CRHR1: variants seen among roughly 807,000 people sequenced by gnomAD.
The protein encoded by CRHR1 is corticotropin-releasing hormone receptor 1.
Under a neutral mutation model 56.0 loss-of-function variants are expected in CRHR1, and 28 were observed. The observed-to-expected ratio is 0.50, with a 90% CI of 0.37 to 0.69. The LOEUF (loss-of-function observed/expected upper bound fraction) is 0.69, where lower values mean the gene tolerates loss of function less well. Ranked by LOEUF, CRHR1 falls within the 30% of genes least tolerant of loss-of-function variation. CRHR1 has a pLI of 0.00. For synonymous variants in CRHR1, 195 were observed against 216.5 expected (o/e 0.90, Z 0.87); for missense variants, 376 against 548.0 (o/e 0.69, Z 3.13).
At chr17:45,817,799 C>T (rs1194641391) in intron 3 of CRHR1, among the ~76,000 whole-genome samples, 1 of 147,456 alleles carries the variant, frequency 6.8e-6, no homozygotes, top group African/African-American at 2.4e-5. Flanking sequence ...GGAGAAGACA[C>T]ACTGGGAGGG....
chr17:45,802,525 T>A (rs1035995750), intron 1 of CRHR1, among the ~76,000 whole-genome samples: 2 of 152,088 alleles, frequency 1.3e-5, no homozygotes. Context: ...ATCTCTGGAC[T>A]TTTCATGGAA....
Position 45,784,682 on chromosome 17 carries a change from G to C in CRHR1, c.33+105G>C. ...TGATGGGGGCGGGGGCGCTGGGAGA[G>C]CCGTGCTTAGGTCGGGGAAGGCTGG... On this transcript the variant is annotated intron_variant, in intron 1 of 12. Coordinates refer to ENST00000314537, the MANE Select transcript of CRHR1 (RefSeq NM_004382.5). The surrounding 1 kb of genome is among the most constrained non-coding windows in gnomAD (Gnocchi z 4.2). 8.2e-7 allele frequency: 1 copy of C among 1,226,164 alleles called. No individual in the cohort carries two copies. The highest frequency in any genetic ancestry group is 1.7e-5 in the South Asian group (1 of 57,410). The allele number at this position is 1,226,164 out of a possible 1,614,324, so 76.0% of individuals were successfully genotyped here.
chr17:45,784,692 G>C lies in CRHR1; in HGVS notation c.33+115G>C. 2.3e-5 allele frequency: 26 copies of C among 1,129,178 alleles called. No individual in the cohort carries two copies. Among genetic ancestry groups the C allele is most frequent in the Non-Finnish European group, 3.1e-5 (26 of 843,854 alleles). The allele number at this position is 1,129,178 out of a possible 1,614,324, so 69.9% of individuals were successfully genotyped here. On this transcript the variant is annotated intron_variant, in intron 1 of 12. Coordinates refer to ENST00000314537, the MANE Select transcript of CRHR1 (RefSeq NM_004382.5). This position sits in a 1 kb window ranked among gnomAD's most constrained non-coding sequence, Gnocchi z 4.2. ...GGGGGCGCTGGGAGAGCCGTGCTTAGGTCGGGGAAGGCTGGGCTCCGGGGC... is the reference window on the plus strand; with the variant it reads ...GGGGGCGCTGGGAGAGCCGTGCTTACGTCGGGGAAGGCTGGGCTCCGGGGC...
chr17:45,820,746 G>A (rs1251378547), intron 3 of CRHR1, among the ~76,000 whole-genome samples: 2 of 152,068 alleles, frequency 1.3e-5, no homozygotes, highest in African/African-American at 4.8e-5. Context: ...ACACAGGCCC[G>A]CTATGGGGAA....
intron 3 of CRHR1, 87 bp downstream of exon 3, chr17:45,816,669 T>C (rs2061935597): frequency 6.3e-7 from 1 of 1,586,988 alleles, no homozygotes; most frequent in Non-Finnish European, 8.6e-7. Context: ...AGAATGACGA[T>C]GACAATAACA....
intron 9 of CRHR1, 63 bp from the exon 10 acceptor site, chr17:45,833,389 G>A: frequency 6.4e-7 from 1 of 1,561,926 alleles, no homozygotes; most frequent in Non-Finnish European, 8.8e-7. Context: ...TGAGGCCAGA[G>A]CTGAGAAGCC....
chr17:45,790,737 A>C (rs974044333), intron 1 of CRHR1, among the ~76,000 whole-genome samples: 1 of 152,012 alleles, frequency 6.6e-6, no homozygotes, highest in Non-Finnish European at 1.5e-5. Flanking sequence ...GCCCAGAAAA[A>C]CTGGCTAGAC....
chr17:45,816,477 G>A lies in CRHR1; in HGVS notation c.136G>A (p.Ala46Thr), dbSNP rs755852981. Residue 46 changes from alanine to threonine, a missense_variant, in exon 3 of 13, where the codon GCA becomes ACA. Physicochemically the swap from Ala to Thr is moderately conservative, Grantham distance 58. Around this residue, in one of 2 missense-constraint regions of CRHR1, gnomAD observed 369 missense variants for 519.5 expected, o/e 0.71. Coordinates refer to ENST00000314537, the MANE Select transcript of CRHR1 (RefSeq NM_004382.5). ...ASNISGLQCN[A>T]SVDLIGTCWP... The stretch of plus-strand genomic sequence containing the variant: ...TCTGCCCCCAGGACTGCAGTGCAAC[G>A]CATCCGTGGACCTCATTGGCACCTG... 5.6e-6 allele frequency: 9 copies of A among 1,614,042 alleles called. No individual in the cohort carries two copies. The highest frequency in any genetic ancestry group is 1.7e-5 in the Admixed American group (1 of 60,024).
intron 10 of CRHR1, 64 bp from the exon 11 acceptor site, chr17:45,833,650 G>T (rs1360390715): frequency 1.2e-6 from 2 of 1,603,606 alleles, no homozygotes; most frequent in Non-Finnish European, 1.7e-6. Flanking sequence ...TCTTTGCCGA[G>T]CCAGCGGGCA....
chr17:45,835,820 C>T lies in CRHR1; in HGVS notation c.*1056C>T, dbSNP rs1347843443. 6.6e-6 allele frequency: 1 copy of T among 152,282 alleles called. No individual in the cohort carries two copies. Among genetic ancestry groups the T allele is most frequent in the African/African-American group, 2.4e-5 (1 of 41,448 alleles). 9.4% of individuals were successfully genotyped at this position (152,282 alleles called of 1,614,324 possible). On this transcript the variant is annotated 3_prime_UTR_variant, in exon 13 of 13. Transcript: ENST00000314537. ...CTGGTATAAATAATATTTATCTTTT[C>T]AACCAGCATTTGTGAAGGCCTGGAC...
chr17:45,816,742 C>T (rs1422336226), intron 3 of CRHR1, among the ~76,000 whole-genome samples, 160 bp downstream of exon 3: 3 of 152,198 alleles, frequency 2.0e-5, no homozygotes, highest in African/African-American at 4.8e-5. Flanking sequence ...CTCCTGGGTG[C>T]CCTGTGCTCA....
chr17:45,789,657 G>C (rs540006037), intron 1 of CRHR1, among the ~76,000 whole-genome samples: 1 of 152,194 alleles, frequency 6.6e-6, no homozygotes, highest in South Asian at 2.1e-4. Flanking sequence ...GGTTACAGGC[G>C]TAAGCCACAG....
At chr17:45,809,050 G>C (rs1170546082) in intron 2 of CRHR1, among the ~76,000 whole-genome samples, 1 of 152,186 alleles carries the variant, frequency 6.6e-6, no homozygotes, top group Admixed American at 6.5e-5. Context: ...ATCCAGGGAG[G>C]CTTCCTGAAG....
At chr17:45,798,161 T>C (rs919997895) in intron 1 of CRHR1, among the ~76,000 whole-genome samples, 1 of 152,190 alleles carries the variant, frequency 6.6e-6, no homozygotes, top group Non-Finnish European at 1.5e-5. Context: ...CACTTATTCA[T>C]TCAGTCATTT....
chr17:45,802,728 A>G (rs1324768893), intron 1 of CRHR1, among the ~76,000 whole-genome samples: 1 of 152,242 alleles, frequency 6.6e-6, no homozygotes. Context: ...GAACCATCAC[A>G]TTCAAGAGAG....
chr17:45,833,632 C>G, intron 10 of CRHR1, 82 bp from the exon 11 acceptor site: 1 of 1,597,986 alleles, frequency 6.3e-7, no homozygotes, highest in Non-Finnish European at 8.6e-7. Flanking sequence ...CCTCCCCCGA[C>G]CTGGCCCTCT....
chr17:45,800,689 G>T (rs1303770639), intron 1 of CRHR1: 1 of 152,320 alleles, frequency 6.6e-6, no homozygotes, highest in African/African-American at 2.4e-5. Context: ...GCGAGGGACC[G>T]TGTTGAAGGA....
intron 1 of CRHR1, among the ~76,000 whole-genome samples, chr17:45,796,271 C>T (rs942720141): frequency 3.3e-5 from 5 of 152,224 alleles, no homozygotes; most frequent in African/African-American, 9.6e-5. Context: ...CAGCTAACAG[C>T]TCCCAGGGGC....
chr17:45,811,542 G>T (rs2061824901), intron 2 of CRHR1, among the ~76,000 whole-genome samples: 1 of 152,178 alleles, frequency 6.6e-6, no homozygotes, highest in African/African-American at 2.4e-5. Context: ...TGAGTGGGTT[G>T]GTTCTACTCC....
Sources: gnomAD v4.1 joint callset for allele counts (sites outside exome capture counted in the v4.1 genomes callset) on GRCh38, gnomAD v4.1.1 for gene constraint, gnomAD v4.1.1 regional missense constraint, Gnocchi (gnomAD v3.1) non-coding constraint, MANE v1.5 for transcripts, NCBI Gene and HGNC (gene_info 2026-07-23, HGNC 2026-07-21) for gene names.